COL6A6: variants seen among roughly 807,000 people sequenced by gnomAD.
The protein encoded by COL6A6 is collagen alpha-6(VI) chain.
COL6A6 carries 183 observed loss-of-function variants against 208.6 expected under a neutral mutation model. That is an observed-to-expected ratio of 0.88 (90% CI 0.78 to 0.99). The LOEUF (loss-of-function observed/expected upper bound fraction) is 0.99. Ranked by LOEUF, COL6A6 falls within the 50% of genes least tolerant of loss-of-function variation. The pLI is 0.00. For missense variants in COL6A6, 2,816 were observed against 2,815.2 expected (o/e 1.00, Z -0.01); for synonymous variants, 973 against 1,011.8 (o/e 0.96, Z 0.73).
intron 35 of COL6A6, among the ~76,000 whole-genome samples, chr3:130,664,670 A>G (rs2066026820): frequency 6.6e-6 from 1 of 152,222 alleles, no homozygotes. Flanking sequence ...GAGCAAATAA[A>G]TAACTACTCT....
intron 1 of COL6A6, among the ~76,000 whole-genome samples, chr3:130,549,368 G>A (rs1393019533): frequency 6.6e-6 from 1 of 152,092 alleles, no homozygotes; most frequent in African/African-American, 2.4e-5. Context: ...ATGTTGCTCA[G>A]GCTGGCCTCA....
Position 130,582,165 on chromosome 3 carries a change from A to G in COL6A6, c.3970+97A>G, listed in dbSNP as rs1197209740. 5 of 732,060 alleles carry G rather than the reference A, an allele frequency of 6.8e-6. No individual in the cohort carries two copies. The East Asian group carries it at 1.1e-4, about 16-fold the overall frequency. 45.3% of individuals were successfully genotyped at this position (732,060 alleles called of 1,614,324 possible). ...AAATTTCCAGGCTCTTAAATTTTGA[A>G]TAACCCTGATTTTGACAATCTCCGT... is the stretch of plus-strand genomic sequence containing the variant. On this transcript the variant is annotated intron_variant, in intron 10 of 36. Coordinates refer to ENST00000358511, the MANE Select transcript of COL6A6 (RefSeq NM_001102608.3).
chr3:130,524,282 T>A (rs1369426799), intron 1 of COL6A6, among the ~76,000 whole-genome samples: 1 of 152,218 alleles, frequency 6.6e-6, no homozygotes, highest in Non-Finnish European at 1.5e-5. Context: ...GTCTGCACAT[T>A]TTAAGGGCTT....
intron 8 of COL6A6, among the ~76,000 whole-genome samples, chr3:130,580,496 G>A (rs563839604): frequency 1.3e-5 from 2 of 152,278 alleles, no homozygotes; most frequent in East Asian, 1.9e-4. Flanking sequence ...TTAAGCATTT[G>A]CAAATGTCCA....
intron 8 of COL6A6, among the ~76,000 whole-genome samples, chr3:130,580,088 T>A (rs2063383582): frequency 6.6e-6 from 1 of 152,210 alleles, no homozygotes; most frequent in Non-Finnish European, 1.5e-5. Context: ...TTTCTGCTGG[T>A]TGGTTTTTTT....
chr3:130,621,792 A>G (rs372555716), intron 23 of COL6A6, 29 bp from the exon 24 acceptor site: 3 of 1,603,880 alleles, frequency 1.9e-6, no homozygotes, highest in East Asian at 4.5e-5. Flanking sequence ...ATGTTTTGCT[A>G]TATTTGCAAA....
chr3:130,649,589 C>G, intron 33 of COL6A6, 27 bp downstream of exon 33: 1 of 1,529,056 alleles, frequency 6.5e-7, no homozygotes, highest in African/African-American at 1.4e-5. Context: ...TTTCACATGA[C>G]AATTCTTACT....
chr3:130,634,422 T>C (rs1462383944), intron 26 of COL6A6, among the ~76,000 whole-genome samples, 168 bp from the exon 27 acceptor site: 2 of 152,194 alleles, frequency 1.3e-5, no homozygotes, highest in African/African-American at 2.4e-5. Flanking sequence ...ACTTATAATT[T>C]AGTTTGTTTC....
intron 1 of COL6A6, among the ~76,000 whole-genome samples, chr3:130,531,069 C>CTT (rs1413022887): frequency 1.3e-5 from 2 of 150,742 alleles, no homozygotes; most frequent in Admixed American, 6.6e-5. Context: ...CAGTCTCTCT[C>CTT]TCTCTCTCTC....
intron 26 of COL6A6, among the ~76,000 whole-genome samples, chr3:130,634,053 A>T (rs1291922071): frequency 5.2e-5 from 3 of 57,356 alleles, no homozygotes; most frequent in Non-Finnish European, 8.9e-5. Flanking sequence ...AGAGTATAAT[A>T]AAAAAAAAAA....
chr3:130,558,045 A>G (rs1240768430), intron 1 of COL6A6, among the ~76,000 whole-genome samples: 2 of 152,228 alleles, frequency 1.3e-5, no homozygotes, highest in Non-Finnish European at 2.9e-5. Flanking sequence ...ATGAGAGGCA[A>G]TTAATCTCAC....
At chr3:130,568,018 G>A (rs2063069628) in intron 5 of COL6A6, 29 bp from the exon 6 acceptor site, 2 of 1,557,458 alleles carry the variant, frequency 1.3e-6, no homozygotes, top group African/African-American at 2.7e-5. Flanking sequence ...TAGCTGACTT[G>A]AATAAACATC....
chr3:130,594,160 TA>T, intron 17 of COL6A6, 120 bp from the exon 18 acceptor site: 3 of 809,938 alleles, frequency 3.7e-6, no homozygotes, highest in Non-Finnish European at 3.9e-6. Context: ...CTTTCCAGCT[TA>T]AAAATAGCCT....
chr3:130,571,931 C>A (rs1010155071), intron 7 of COL6A6, among the ~76,000 whole-genome samples: 1 of 151,804 alleles, frequency 6.6e-6, no homozygotes, highest in Non-Finnish European at 1.5e-5. Flanking sequence ...CATCTGCCCC[C>A]CTTGGCCTCC....
chr3:130,649,648 AG>A, intron 33 of COL6A6, 86 bp downstream of exon 33: 2 of 1,369,742 alleles, frequency 1.5e-6, no homozygotes, highest in Non-Finnish European at 9.6e-7. Flanking sequence ...CTTCAAAATC[AG>A]GGCCATTTGT....
intron 23 of COL6A6, among the ~76,000 whole-genome samples, chr3:130,612,453 CTT>C (rs557073355): frequency 2.6e-5 from 4 of 152,256 alleles, no homozygotes; most frequent in South Asian, 4.2e-4. Flanking sequence ...TATTTTTTGA[CTT>C]TTAATAATAG....
chr3:130,619,120 G>A (rs1037380612), intron 23 of COL6A6, among the ~76,000 whole-genome samples: 2 of 152,094 alleles, frequency 1.3e-5, no homozygotes, highest in Admixed American at 1.3e-4. Context: ...CCTATGATGC[G>A]CCAGAGATAT....
intron 1 of COL6A6, among the ~76,000 whole-genome samples, chr3:130,558,791 A>G (rs935992747): frequency 1.3e-5 from 2 of 152,244 alleles, no homozygotes; most frequent in African/African-American, 4.8e-5. Flanking sequence ...ATAAAAAGGT[A>G]TGAAAACAAG....
intron 7 of COL6A6, among the ~76,000 whole-genome samples, chr3:130,573,463 A>G (rs1577745709): frequency 1.3e-5 from 2 of 152,328 alleles, no homozygotes; most frequent in East Asian, 3.9e-4. Flanking sequence ...ACTGACTTTA[A>G]GAGCTGATCA....
Sources: allele counts gnomAD v4.1 joint callset (sites outside exome capture counted in the v4.1 genomes callset), GRCh38; gene constraint gnomAD v4.1.1; transcripts MANE v1.5; gene names NCBI Gene and HGNC (gene_info 2026-07-23, HGNC 2026-07-21).